ZNF773: variants seen among roughly 807,000 people sequenced by gnomAD.
The protein encoded by ZNF773 is zinc finger protein 773.
Under a neutral mutation model 12.8 loss-of-function variants are expected in ZNF773, and 11 were observed. That is an observed-to-expected ratio of 0.86 (90% CI 0.54 to 1.42). The LOEUF is 1.42. ZNF773 is among the 40% of genes most tolerant of loss of function. ZNF773 has a pLI of 0.00. For missense variants in ZNF773, 518 were observed against 527.2 expected, an observed-to-expected ratio of 0.98 and a Z score of 0.17; for synonymous variants, 175 against 178.4, an observed-to-expected ratio of 0.98 and a Z score of 0.15.
At chr19:57,515,679 C>T (rs1010979792), downstream of ZNF773, 16 of 152,198 alleles carry the variant, frequency 1.1e-4, no homozygotes, top group African/African-American at 3.9e-4. Flanking sequence ...AATGGACCTG[C>T]TTATGTTAGT....
intron 1 of ZNF773, 143 bp from the exon 2 acceptor site, chr19:57,504,514 G>T (rs1356600021): frequency 4.1e-6 from 5 of 1,222,152 alleles, no homozygotes. Context: ...CATGAGGAGA[G>T]AGTGGGCATC....
At position 57,507,522 on chromosome 19, in the gene ZNF773, C is replaced by T; in HGVS notation, c.*98C>T. 1 of 1,481,412 alleles carries T rather than the reference C, an allele frequency of 6.8e-7. No individual in the cohort carries two copies. The highest frequency in any genetic ancestry group is 1.4e-5 in the South Asian group (1 of 69,754). 91.8% of individuals were successfully genotyped at this position (1,481,412 alleles called of 1,614,324 possible). A position where few individuals can be genotyped will look rare whatever the true frequency, so the allele number is the denominator to read the frequency against. On this transcript the variant is annotated 3_prime_UTR_variant, in exon 4 of 4. Transcript: ENST00000282292. ...AAGGTTACTAATGGAAATCCATTAG[C>T]TATACCTCCAAACTCATTCAACACT...
At position 57,506,764 on chromosome 19, in the gene ZNF773, A is replaced by T. The variant is rs964799674; in HGVS notation, c.669A>T (p.Glu223Asp). Reference protein sequence around the residue: ...HTGEKPYECSECGKLFSHKSN... With the variant: ...HTGEKPYECSDCGKLFSHKSN... ...GGGAAAAGCCTTATGAATGCAGTGA[A>T]TGTGGGAAGTTATTTAGCCATAAGT... Residue 223 changes from glutamate (E) to aspartate (D), a missense_variant, in exon 4 of 4, where the codon GAA becomes GAT. Glu to Asp is a conservative substitution (Grantham distance 45). Transcript: ENST00000282292. The T allele has an allele frequency of 6.2e-7, 1 of 1,614,148 alleles. No homozygotes were observed. Among genetic ancestry groups the T allele is most frequent in the Non-Finnish European group, 8.5e-7 (1 of 1,180,050 alleles).
intron 1 of ZNF773, among the ~76,000 whole-genome samples, chr19:57,502,526 G>A (rs2089681779): frequency 6.6e-6 from 1 of 152,126 alleles, no homozygotes; most frequent in African/African-American, 2.4e-5. Flanking sequence ...AGGGATTACG[G>A]CCCAATCTTA....
rs771147362 is a variant in ZNF773 at position 57,500,064 on chromosome 19, C to T, written c.-17C>T. 7 of 1,592,188 alleles carry T rather than the reference C, an allele frequency of 4.4e-6. No individual in the cohort carries two copies. The highest frequency in any genetic ancestry group is 1.7e-5 in the Admixed American group (1 of 58,156). The stretch of plus-strand genomic sequence containing the variant: ...CGGGCCCTTTCCTCGGTCGTTGTCT[C>T]ACCGCCACAGGCTCCGATGGCGGCG... On this transcript the variant is annotated 5_prime_UTR_variant, in exon 1 of 4. Transcript: ENST00000282292.
At chr19:57,503,527 T>C (rs1399397276) in intron 1 of ZNF773, among the ~76,000 whole-genome samples, 2 of 152,190 alleles carry the variant, frequency 1.3e-5, no homozygotes, top group East Asian at 3.8e-4. Context: ...TGCTGCTTAT[T>C]CATCCAACTG....
At chr19:57,502,355 G>A (rs1238158722) in intron 1 of ZNF773, among the ~76,000 whole-genome samples, 2 of 152,226 alleles carry the variant, frequency 1.3e-5, no homozygotes, top group Admixed American at 1.3e-4. Context: ...AGCTGGGAAT[G>A]CTTAGGCAAC....
chr19:57,511,101 G>A (rs1348224264), downstream of ZNF773, among the ~76,000 whole-genome samples: 5 of 149,550 alleles, frequency 3.3e-5, no homozygotes, highest in African/African-American at 7.4e-5. Flanking sequence ...CCAGGCTAGC[G>A]TGCAGTGGCA....
In ZNF773 at chr19:57,504,445, C is replaced by A. The variant is rs145254444; in HGVS notation, c.34-212C>A. 7.9e-5 allele frequency among the ~76,000 whole-genome samples: 12 copies of A among 152,204 alleles called. 1 individual carries two copies. In the East Asian group the frequency reaches 2.1e-3, roughly 27 times the overall value. On this transcript the variant is annotated intron_variant, in intron 1 of 3. Coordinates refer to ENST00000282292, the MANE Select transcript of ZNF773 (RefSeq NM_198542.3). ...AAGAGAAGAGTAGGACTCTGCATAC[C>A]ATGCCCAGAGCTGAGATGGACTTTA...
At position 57,507,175 on chromosome 19, in the gene ZNF773, G is replaced by A; in HGVS notation, c.1080G>A (p.Glu360=). 3 of 1,614,018 alleles carry A rather than the reference G, an allele frequency of 1.9e-6. No homozygotes were observed. The highest frequency in any genetic ancestry group is 2.5e-6 in the Non-Finnish European group (3 of 1,179,984). ...WRVHTGERPY[E]CSECGKFFSQ... is the part of the protein sequence containing the mutation. ...TTCACACTGGAGAAAGGCCTTATGA[G>A]TGCAGTGAATGTGGGAAATTTTTTA... is the stretch of plus-strand genomic sequence containing the variant. The change falls in exon 4 of 4, where the codon GAG becomes GAA. Residue 360 remains glutamate, a synonymous_variant. Coordinates refer to ENST00000282292, the MANE Select transcript of ZNF773 (RefSeq NM_198542.3).
In ZNF773 at chr19:57,506,697, G is replaced by C. The variant is rs768685751; in HGVS notation, c.602G>C (p.Gly201Ala). 1.2e-6 allele frequency: 2 copies of C among 1,614,236 alleles called. No homozygotes were observed. Among genetic ancestry groups the C allele is most frequent in the South Asian group, 2.2e-5 (2 of 91,084 alleles). The change falls in exon 4 of 4, where the codon GGT becomes GCT. Residue 201 changes from glycine to alanine, a missense_variant. Coordinates refer to ENST00000282292, the MANE Select transcript of ZNF773 (RefSeq NM_198542.3). ...TGCAGTGAATGTGGGAAAGCCTTTG[G>C]TCAGAAATATTTACTTGTTCAGCAC... is the stretch of plus-strand genomic sequence containing the variant. ...YKCSECGKAF[G>A]QKYLLVQHQR...
Position 57,501,748 on chromosome 19 carries a change from C to G in ZNF773, c.33+1635C>G, listed in dbSNP as rs560170559. On this transcript the variant is annotated intron_variant, in intron 1 of 3. Coordinates refer to ENST00000282292, the MANE Select transcript of ZNF773 (RefSeq NM_198542.3). ...GATTTTCCATAGGTTCTTGTGACTT[C>G]AGAGTTAGTTATAGACCATGAGAAG... Among the ~76,000 whole-genome samples, 94 of 152,238 alleles carry G rather than the reference C, an allele frequency of 6.2e-4. 1 individual carries two copies. Among genetic ancestry groups the G allele is most frequent in the African/African-American group, 2.3e-3 (94 of 41,534 alleles).
rs1309531120 is a variant in ZNF773, at chr19:57,506,909, G to A, written c.814G>A (p.Glu272Lys). 3 of 1,614,068 alleles carry A rather than the reference G, an allele frequency of 1.9e-6. No individual in the cohort carries two copies. Among genetic ancestry groups the A allele is most frequent in the Non-Finnish European group, 2.5e-6 (3 of 1,180,044 alleles). The change falls in exon 4 of 4, where the codon GAA becomes AAA. Residue 272 changes from glutamate to lysine, a missense_variant. Coordinates refer to ENST00000282292, the MANE Select transcript of ZNF773 (RefSeq NM_198542.3). The stretch of plus-strand genomic sequence containing the variant: ...TCAACACCAGAGAGTTCACACTGGA[G>A]AAAAGCCTTTTACATGCAGTGAATG... ...LIQHQRVHTG[E>K]KPFTCSECGK...
In ZNF773 at chr19:57,507,591, C is replaced by T. The variant is rs982468236; in HGVS notation, c.*167C>T. 5.6e-6 allele frequency: 8 copies of T among 1,421,094 alleles called. No homozygotes were observed. In the African/African-American group the frequency reaches 8.6e-5, roughly 15 times the overall value. 88.0% of individuals were successfully genotyped at this position (1,421,094 alleles called of 1,614,324 possible). ...ACAATGTAGTGAATATGGTAAAAGG[C>T]CTCAGCCAAAGGCCTAACCGTATTC... On this transcript the variant is annotated 3_prime_UTR_variant, in exon 4 of 4. Coordinates refer to ENST00000282292, the MANE Select transcript of ZNF773 (RefSeq NM_198542.3).
downstream of ZNF773, chr19:57,515,076 A>C (rs1168533479): frequency 6.6e-6 from 1 of 152,170 alleles, no homozygotes. Context: ...TCTCCTATTA[A>C]CATTGTCTGT....
At position 57,508,167 on chromosome 19, in the gene ZNF773, A is replaced by T; in HGVS notation, c.*743A>T. 1.0e-6 allele frequency: 1 copy of T among 979,130 alleles called. No homozygotes were observed. The highest frequency in any genetic ancestry group is 1.2e-6 in the Non-Finnish European group (1 of 824,852). The allele number at this position is 979,130 out of a possible 1,614,324, so 60.7% of individuals were successfully genotyped here. ...AAAAAAAAAAAAAAAAACAAAAAAAACCCAGAAACTCTGAGGGTGATCTTT... is the reference window on the plus strand; with the variant it reads ...AAAAAAAAAAAAAAAAACAAAAAAATCCCAGAAACTCTGAGGGTGATCTTT... On this transcript the variant is annotated 3_prime_UTR_variant, in exon 4 of 4. Coordinates refer to ENST00000282292, the MANE Select transcript of ZNF773 (RefSeq NM_198542.3).
downstream of ZNF773, chr19:57,514,782 C>T (rs186063622): frequency 7.6e-4 from 115 of 152,304 alleles, 1 homozygote; most frequent in African/African-American, 2.6e-3. Flanking sequence ...TGGGAAATGT[C>T]GACTGCATGG....
At chr19:57,508,483 T>C (rs1293075394), downstream of ZNF773, 1 of 697,664 alleles carries the variant, frequency 1.4e-6, no homozygotes, top group South Asian at 1.5e-5. Context: ...TATGTCCGCT[T>C]CCAGAGACTG....
chr19:57,512,448 G>A (rs2089802949), downstream of ZNF773, among the ~76,000 whole-genome samples: 1 of 136,172 alleles, frequency 7.3e-6, no homozygotes, highest in Non-Finnish European at 1.5e-5. Flanking sequence ...TCTGTCACCA[G>A]GCTGGAGTGC....
Sources: allele counts gnomAD v4.1 joint callset (sites outside exome capture counted in the v4.1 genomes callset), GRCh38; gene constraint gnomAD v4.1.1; transcripts MANE v1.5; gene names NCBI Gene and HGNC (gene_info 2026-07-23, HGNC 2026-07-21).